The following CDH18 variants were observed in gnomAD, a reference collection of about 807,000 sequenced individuals.
The protein encoded by CDH18 is cadherin 18, also known as cadherin-18.
Under a neutral mutation model 67.9 loss-of-function variants are expected in CDH18, and 31 were observed. That is an observed-to-expected ratio of 0.46 (90% CI 0.34 to 0.62). The LOEUF is 0.62. Among genes scored for constraint, CDH18 ranks in the 20% least tolerant of loss-of-function variants. The pLI, the probability that CDH18 is intolerant of heterozygous loss-of-function variation, is 0.01. For missense variants in CDH18, 890 were observed against 975.5 expected (o/e 0.91, Z 1.17); for synonymous variants, 362 against 347.2 (o/e 1.04, Z -0.48).
intron 9 of CDH18, among the ~76,000 whole-genome samples, chr5:19,532,591 T>C (rs11952421): frequency 0.097 from 14,717 of 152,172 alleles, 1,009 homozygotes; most frequent in Non-Finnish European, 0.13. Flanking sequence ...GTAGTATCAC[T>C]TATGTTTTAA....
At chr5:20,121,980 A>G (rs189635817) in intron 2 of CDH18, among the ~76,000 whole-genome samples, 1 of 152,304 alleles carries the variant, frequency 6.6e-6, no homozygotes, top group Non-Finnish European at 1.5e-5. Flanking sequence ...CTTCATAGTC[A>G]TTGTAACTTC....
chr5:20,119,251 C>A (rs1478855962), intron 2 of CDH18, among the ~76,000 whole-genome samples: 1 of 152,124 alleles, frequency 6.6e-6, no homozygotes, highest in Non-Finnish European at 1.5e-5. Context: ...TCCCTCAGAA[C>A]AAAATTTGGG....
At chr5:20,139,230 T>C (rs1176080127) in intron 2 of CDH18, among the ~76,000 whole-genome samples, 1 of 152,160 alleles carries the variant, frequency 6.6e-6, no homozygotes, top group African/African-American at 2.4e-5. Context: ...ATTCCCTATG[T>C]AATAAATGGT....
intron 3 of CDH18, among the ~76,000 whole-genome samples, chr5:19,767,067 G>T (rs1452739465): frequency 6.6e-6 from 1 of 151,370 alleles, no homozygotes; most frequent in Middle Eastern, 3.2e-3. Context: ...TTTCAATAAG[G>T]CATATCAAAT....
Position 20,382,731 on chromosome 5 carries a change from C to G in CDH18, c.-579-127226G>C, listed in dbSNP as rs568078398. On this transcript the variant is annotated intron_variant, in intron 1 of 14. Coordinates refer to the CDH18 transcript ENST00000507958. ...TATTACAAAGAGGAAGCAATATAAA[C>G]AGCCACTTCAAACAACACTGGCTTT... Among the ~76,000 whole-genome samples the G allele has an allele frequency of 5.9e-5, 9 of 152,240 alleles. No individual in the cohort carries two copies. In the South Asian group the frequency reaches 1.9e-3, roughly 32 times the overall value.
At chr5:19,496,694 C>A (rs1343051075) in intron 11 of CDH18, among the ~76,000 whole-genome samples, 7 of 151,824 alleles carry the variant, frequency 4.6e-5, no homozygotes, top group Admixed American at 1.3e-4. Context: ...TGCCTGTAGT[C>A]CCAGATACTC....
At chr5:19,591,340 G>T (rs1745101033) in intron 6 of CDH18, 96 bp from the exon 7 acceptor site, 2 of 813,706 alleles carry the variant, frequency 2.5e-6, no homozygotes, top group Non-Finnish European at 3.6e-6. Flanking sequence ...TTCAAATGAA[G>T]ACTATATTAG....
intron 4 of CDH18, among the ~76,000 whole-genome samples, chr5:19,746,164 T>C (rs1421378564): frequency 2.0e-5 from 3 of 152,002 alleles, no homozygotes; most frequent in South Asian, 2.1e-4. Context: ...AAATGAAAAA[T>C]AAACAAAAAT....
At chr5:20,382,208 T>C (rs945825751) in intron 1 of CDH18, among the ~76,000 whole-genome samples, 5 of 152,286 alleles carry the variant, frequency 3.3e-5, no homozygotes, top group African/African-American at 1.2e-4. Flanking sequence ...TTCGAGAATA[T>C]GTCATCAGAG....
intron 1 of CDH18, among the ~76,000 whole-genome samples, chr5:20,276,764 A>C (rs1446331688): frequency 6.6e-6 from 1 of 152,184 alleles, no homozygotes; most frequent in Non-Finnish European, 1.5e-5. Flanking sequence ...CTGCACTGGC[A>C]CTAGGCCAGA....
intron 1 of CDH18, among the ~76,000 whole-genome samples, chr5:20,497,031 G>A (rs542042924): frequency 6.6e-6 from 1 of 152,064 alleles, no homozygotes; most frequent in African/African-American, 2.4e-5. Context: ...AGATTTGAAG[G>A]AGAAGGTAGA....
At chr5:20,539,594 G>A (rs914549313) in intron 1 of CDH18, among the ~76,000 whole-genome samples, 1 of 152,128 alleles carries the variant, frequency 6.6e-6, no homozygotes, top group Non-Finnish European at 1.5e-5. Flanking sequence ...ATTTGAGAAA[G>A]AGGTAGAAGT....
At chr5:20,241,967 G>A (rs114063989) in intron 2 of CDH18, among the ~76,000 whole-genome samples, 2 of 149,752 alleles carry the variant, frequency 1.3e-5, no homozygotes, top group Admixed American at 1.3e-4. Context: ...CTGATTTCTG[G>A]AAAAAATAGG....
Position 19,596,530 on chromosome 5 carries a change from A to G in CDH18, c.812-5286T>C, listed in dbSNP as rs144560350. Among the ~76,000 whole-genome samples the G allele has an allele frequency of 2.1e-4, 32 of 152,126 alleles. No homozygotes were observed. In the East Asian group the frequency reaches 6.0e-3, roughly 28 times the overall value. The stretch of plus-strand genomic sequence containing the variant: ...TAGTTAATACTAGGATGGTAACACT[A>G]GAAAACCAAAGATGTCTTAGTTAAC... On this transcript the variant is annotated intron_variant, in intron 6 of 12. Transcript: ENST00000382275.
At chr5:20,236,455 T>C (rs528193371) in intron 2 of CDH18, among the ~76,000 whole-genome samples, 51 of 151,980 alleles carry the variant, frequency 3.4e-4, no homozygotes, top group African/African-American at 1.2e-3. Context: ...TATACTACTA[T>C]ATTGATATGG....
chr5:19,542,186 A>C (rs1262957772), intron 9 of CDH18, among the ~76,000 whole-genome samples: 1 of 152,232 alleles, frequency 6.6e-6, no homozygotes, highest in Non-Finnish European at 1.5e-5. Flanking sequence ...CATGACTGCT[A>C]CATAACTAAG....
chr5:19,983,325 G>T (rs1013121570), intron 1 of CDH18, among the ~76,000 whole-genome samples: 1 of 151,826 alleles, frequency 6.6e-6, no homozygotes. Flanking sequence ...CAAAATAATG[G>T]CAATAAATAC....
intron 2 of CDH18, among the ~76,000 whole-genome samples, chr5:20,230,448 C>T (rs1741977293): frequency 6.6e-6 from 1 of 152,152 alleles, no homozygotes; most frequent in Admixed American, 6.5e-5. Flanking sequence ...ACCAGAAAAA[C>T]TGAGCTTCCT....
intron 4 of CDH18, among the ~76,000 whole-genome samples, chr5:19,745,835 T>C (rs539605105): frequency 1.1e-4 from 16 of 152,142 alleles, no homozygotes; most frequent in Admixed American, 2.6e-4. Flanking sequence ...GCTACCTGCC[T>C]AGCTCAAGAA....
Sources: allele counts gnomAD v4.1 joint callset (sites outside exome capture counted in the v4.1 genomes callset), GRCh38; gene constraint gnomAD v4.1.1; transcripts MANE v1.5; gene names NCBI Gene and HGNC (gene_info 2026-07-23, HGNC 2026-07-21).